The following CABLES1 variants were observed in gnomAD, a reference collection of about 807,000 sequenced individuals.
CABLES1 encodes CDK5 and ABL1 enzyme substrate 1.
Under a neutral mutation model 57.8 loss-of-function variants are expected in CABLES1, and 36 were observed. The observed-to-expected ratio is 0.62, with a 90% CI of 0.48 to 0.82. The LOEUF is 0.82. CABLES1 is among the 40% of genes least tolerant of loss of function. The probability of loss-of-function intolerance (pLI) is 0.00; values close to 1 mark genes in which losing one functional copy is unlikely to be tolerated. For missense variants in CABLES1, 767 were observed against 836.6 expected (o/e 0.92, Z 1.03); for synonymous variants, 374 against 363.0 (o/e 1.03, Z -0.35).
chr18:23,152,687 G>A (rs1437995562), intron 1 of CABLES1, among the ~76,000 whole-genome samples: 1 of 151,924 alleles, frequency 6.6e-6, no homozygotes, highest in African/African-American at 2.4e-5. Context: ...GTTTCACCAT[G>A]TTGGCCAGGA....
chr18:23,138,963 G>A (rs1411491080), intron 1 of CABLES1, among the ~76,000 whole-genome samples: 1 of 152,112 alleles, frequency 6.6e-6, no homozygotes, highest in Non-Finnish European at 1.5e-5. Flanking sequence ...CGTGAGTCCA[G>A]ATCTGCAGTT....
intron 1 of CABLES1, among the ~76,000 whole-genome samples, chr18:23,144,276 A>G (rs984968206): frequency 2.6e-5 from 4 of 152,260 alleles, no homozygotes; most frequent in Admixed American, 6.5e-5. Flanking sequence ...AACAGACCAC[A>G]TCTCTCCTCC....
chr18:23,136,535 A>G lies in CABLES1; in HGVS notation c.773A>G (p.Gln258Arg), dbSNP rs2144942022. ...LPIAFSRPTSQNYCSLEQPGQ... is the reference protein window; with the variant it reads ...LPIAFSRPTSRNYCSLEQPGQ... ...ATCGCCTTCTCCAGGCCGACTTCGC[A>G]GAACTACTGCTCCCTGGAGCAGCCA... Residue 258 changes from glutamine (Q) to arginine (R), a missense_variant, in exon 1 of 10, where the codon CAG becomes CGG. Gln to Arg is a conservative substitution (Grantham distance 43). Around this residue, in one of 4 missense-constraint regions of CABLES1, gnomAD observed 529 missense variants for 622.8 expected, o/e 0.85. Transcript: ENST00000256925. 1 of 1,583,880 alleles carries G rather than the reference A, an allele frequency of 6.3e-7. No individual in the cohort carries two copies. Among genetic ancestry groups the G allele is most frequent in the Non-Finnish European group, 8.5e-7 (1 of 1,172,680 alleles).
intron 7 of CABLES1, among the ~76,000 whole-genome samples, 165 bp downstream of exon 7, chr18:23,237,410 GAAT>G (rs2047630030): frequency 6.6e-6 from 1 of 152,240 alleles, no homozygotes. Flanking sequence ...CTCCTGTCCA[GAAT>G]CCTGCTGGCC....
intron 1 of CABLES1, among the ~76,000 whole-genome samples, chr18:23,173,062 T>TATC (rs1287909417): frequency 6.6e-6 from 1 of 152,158 alleles, no homozygotes; most frequent in African/African-American, 2.4e-5. Context: ...AAACGGCACC[T>TATC]TGATGTGTGC....
chr18:23,147,188 C>T (rs1012028411), intron 1 of CABLES1, among the ~76,000 whole-genome samples: 9 of 152,182 alleles, frequency 5.9e-5, no homozygotes, highest in Admixed American at 2.6e-4. Flanking sequence ...CAGTTCCTCC[C>T]GCAGGGAGTA....
At chr18:23,241,352 G>A (rs2047732062) in intron 7 of CABLES1, among the ~76,000 whole-genome samples, 1 of 152,032 alleles carries the variant, frequency 6.6e-6, no homozygotes, top group Non-Finnish European at 1.5e-5. Flanking sequence ...CTAACGTGAT[G>A]AAACTCTGTC....
intron 1 of CABLES1, among the ~76,000 whole-genome samples, chr18:23,178,556 C>T (rs2047141631): frequency 6.6e-6 from 1 of 152,230 alleles, no homozygotes; most frequent in Non-Finnish European, 1.5e-5. Flanking sequence ...AGAGTTTGAA[C>T]TTGTTCCCAG....
intron 1 of CABLES1, among the ~76,000 whole-genome samples, chr18:23,140,127 A>G (rs544103349): frequency 6.6e-6 from 1 of 152,306 alleles, no homozygotes; most frequent in East Asian, 1.9e-4. Flanking sequence ...AGAGGTGGGA[A>G]ACCAAGAAGA....
chr18:23,236,519 T>C (rs1030739135), intron 6 of CABLES1, among the ~76,000 whole-genome samples: 3 of 152,218 alleles, frequency 2.0e-5, no homozygotes, highest in Non-Finnish European at 4.4e-5. Context: ...CCAGCTTTGC[T>C]GATCAAACCT....
At position 23,226,262 on chromosome 18, in the gene CABLES1, C is replaced by T. The variant is rs2047526534; in HGVS notation, c.1089-8346C>T. ...ACTAAAATTACAAAAATTAGCCGGG[C>T]ATGGTGGCATGTGCCCGTAGTCCCA... On this transcript the variant is annotated intron_variant, in intron 4 of 9. Coordinates refer to ENST00000256925, the MANE Select transcript of CABLES1 (RefSeq NM_001100619.3). Among the ~76,000 whole-genome samples the T allele has an allele frequency of 2.6e-5, 4 of 152,088 alleles. No homozygotes were observed. The South Asian group carries it at 8.3e-4, about 32-fold the overall frequency.
In CABLES1 at chr18:23,244,495, CT is replaced by C. The variant is rs578240711; in HGVS notation, c.1446+7251del. ...TAGTTTCCTTGTGATTTACTGTCCT[CT>C]AAGGGAAAGGATTAAATGCCTAGAA... On this transcript the variant is annotated intron_variant, in intron 7 of 9. Transcript: ENST00000256925. Among the ~76,000 whole-genome samples, 35 of 152,340 alleles carry C rather than the reference CT, an allele frequency of 2.3e-4. No individual in the cohort carries two copies. In the East Asian group the frequency reaches 4.8e-3, roughly 21 times the overall value.
At chr18:23,151,866 T>G (rs1233041924) in intron 1 of CABLES1, among the ~76,000 whole-genome samples, 1 of 151,866 alleles carries the variant, frequency 6.6e-6, no homozygotes, top group African/African-American at 2.4e-5. Flanking sequence ...GAAACGAGAG[T>G]GCTGATGCTG....
intron 1 of CABLES1, chr18:23,156,076 A>T (rs2046963678): frequency 8.6e-7 from 1 of 1,158,246 alleles, no homozygotes; most frequent in Admixed American, 1.9e-5. Context: ...GAAAAGCGGG[A>T]TGTCAGTCCT....
intron 4 of CABLES1, among the ~76,000 whole-genome samples, chr18:23,218,280 CCG>C (rs1365027914): frequency 1.5e-4 from 22 of 150,120 alleles, no homozygotes; most frequent in Middle Eastern, 3.4e-3. Context: ...GCCCTGCCTC[CCG>C]CATCCTCACT....
intron 3 of CABLES1, among the ~76,000 whole-genome samples, chr18:23,208,880 C>T (rs2047383555): frequency 6.6e-6 from 1 of 152,222 alleles, no homozygotes; most frequent in South Asian, 2.1e-4. Flanking sequence ...GTAGCTGCAT[C>T]ACTTCCATCT....
chr18:23,192,312 G>T (rs2047250051), intron 2 of CABLES1, among the ~76,000 whole-genome samples: 1 of 152,264 alleles, frequency 6.6e-6, no homozygotes, highest in South Asian at 2.1e-4. Context: ...GGATGCTGGT[G>T]GCCGCAGCTG....
intron 4 of CABLES1, among the ~76,000 whole-genome samples, chr18:23,226,467 C>T (rs1378668988): frequency 6.6e-6 from 1 of 151,522 alleles, no homozygotes; most frequent in Non-Finnish European, 1.5e-5. Context: ...AGAGACTCAA[C>T]TTCCTCCTAT....
At chr18:23,241,844 AG>A (rs2047744165) in intron 7 of CABLES1, among the ~76,000 whole-genome samples, 1 of 152,190 alleles carries the variant, frequency 6.6e-6, no homozygotes, top group Non-Finnish European at 1.5e-5. Flanking sequence ...CCAGAGGTGA[AG>A]CCTGTCATTT....
Sources: allele counts gnomAD v4.1 joint callset (sites outside exome capture counted in the v4.1 genomes callset), GRCh38; gene constraint gnomAD v4.1.1; regional missense constraint gnomAD v4.1.1; transcripts MANE v1.5; gene names NCBI Gene and HGNC (gene_info 2026-07-23, HGNC 2026-07-21).